The following STXBP2 variants were observed in gnomAD, a reference collection of about 807,000 sequenced individuals.
The protein encoded by STXBP2 is syntaxin binding protein 2, also known as syntaxin-binding protein 2.
In STXBP2, 47 loss-of-function variants were observed where a neutral mutation model predicts 72.2. The ratio of observed to expected loss-of-function variants is 0.65; its 90% CI spans 0.51 to 0.83. The LOEUF (loss-of-function observed/expected upper bound fraction) is 0.83, where lower values mean the gene tolerates loss of function less well. Ranked by LOEUF, STXBP2 falls within the 40% of genes least tolerant of loss-of-function variation. STXBP2 has a pLI of 0.00. For synonymous variants in STXBP2, 367 were observed against 338.7 expected, an observed-to-expected ratio of 1.08 and a Z score of -0.92; for missense variants, 702 against 807.6, an observed-to-expected ratio of 0.87 and a Z score of 1.58.
chr19:7,639,909 CGTGTGCATGTGTCCATGTGTATGT>C (rs765305420), intron 4 of STXBP2, 102 bp downstream of exon 4: 3 of 1,284,434 alleles, frequency 2.3e-6, no homozygotes, highest in Admixed American at 4.0e-5. Context: ...CATGTGTATA[CGTGTGCATGTGTCCATGTGTATGT>C]GTGTGCATGT....
rs574375421 is a variant in STXBP2 at position 7,642,867 on chromosome 19, C to A, written c.960+44C>A. On this transcript the variant is annotated intron_variant, in intron 11 of 18. Transcript: ENST00000221283. This position sits in a 1 kb window ranked among gnomAD's most constrained non-coding sequence, Gnocchi z 6.0. ...CACCAAAGGCGCTGGTGGAAGGAAG[C>A]CCCCCTCCCCATGGGCGCAGGGCCA... 3.5e-5 allele frequency: 57 copies of A among 1,613,432 alleles called. No individual in the cohort carries two copies. The highest frequency in any genetic ancestry group is 1.6e-4 in the South Asian group (15 of 91,066).
chr19:7,635,461 A>G (rs2031490298), upstream of STXBP2, among the ~76,000 whole-genome samples: 2 of 152,336 alleles, frequency 1.3e-5, no homozygotes, highest in South Asian at 4.1e-4. Context: ...TTGGGAGGCC[A>G]AGGCAGGAGG....
chr19:7,632,674 C>T, upstream of STXBP2: 1 of 1,548,992 alleles, frequency 6.5e-7, no homozygotes, highest in Middle Eastern at 1.7e-4. The surrounding 1 kb of genome is among the most constrained non-coding windows in gnomAD (Gnocchi z 5.2). Flanking sequence ...CACTCCCACC[C>T]CGTTCACGCC....
chr19:7,639,037 C>T lies in STXBP2; in HGVS notation c.106C>T (p.Pro36Ser), dbSNP rs773397741. 1.2e-6 allele frequency: 2 copies of T among 1,614,104 alleles called. No individual in the cohort carries two copies. Among genetic ancestry groups the T allele is most frequent in the Non-Finnish European group, 1.7e-6 (2 of 1,180,034 alleles). ...TGGACAGGTGCTTATCATGGATCACCCAAGCATGCGCATCTTGTCTTCCTG... is the reference window on the plus strand; with the variant it reads ...TGGACAGGTGCTTATCATGGATCACTCAAGCATGCGCATCTTGTCTTCCTG... ...GEWKVLIMDH[P>S]SMRILSSCCK... Residue 36 changes from proline to serine, a missense_variant, in exon 3 of 19, where the codon CCA becomes TCA. By Grantham distance (74) the Pro-to-Ser change is moderately conservative. Transcript: ENST00000221283.
upstream of STXBP2, chr19:7,632,369 C>G (rs376914944): frequency 1.9e-6 from 3 of 1,612,900 alleles, no homozygotes; most frequent in Non-Finnish European, 2.5e-6. This position sits in a 1 kb window ranked among gnomAD's most constrained non-coding sequence, Gnocchi z 5.2. Context: ...GGTTTCTCCT[C>G]GACATCGCCA....
the STXBP2 span, chr19:7,629,941 T>C: frequency 7.1e-7 from 1 of 1,409,940 alleles, no homozygotes. Flanking sequence ...ATGGGGGGAC[T>C]TCAAAGGAAG....
chr19:7,640,696 A>C, intron 4 of STXBP2, 35 bp from the exon 5 acceptor site: 1 of 1,614,064 alleles, frequency 6.2e-7, no homozygotes, highest in South Asian at 1.1e-5. Flanking sequence ...CTAGGTGTGC[A>C]GGCTCAGGCC....
chr19:7,644,696 C>T lies in STXBP2; in HGVS notation c.1190C>T (p.Ala397Val), dbSNP rs1309026455. Residue 397 changes from alanine (A) to valine (V), a missense_variant, in exon 14 of 19, where the codon GCG becomes GTG. Ala to Val is a moderately conservative substitution (Grantham distance 64). Coordinates refer to ENST00000221283, the MANE Select transcript of STXBP2 (RefSeq NM_006949.4). ...KLIVPVLLDA[A>V]VPAYDKIRVL... ...ATCGTTCCGGTGCTGCTGGACGCGG[C>T]GGTGCCCGCCTACGACAAGATCCGG... is the stretch of plus-strand genomic sequence containing the variant. 14 of 1,613,626 alleles carry T rather than the reference C, an allele frequency of 8.7e-6. No homozygotes were observed. Among genetic ancestry groups the T allele is most frequent in the African/African-American group, 4.0e-5 (3 of 74,858 alleles).
At chr19:7,647,124 C>A in intron 16 of STXBP2, 38 bp from the exon 17 acceptor site, 1 of 1,607,480 alleles carries the variant, frequency 6.2e-7, no homozygotes. Flanking sequence ...GGACCCCATG[C>A]CTGGGGTTCC....
rs142105943 is a variant in STXBP2, at chr19:7,646,267, C to G, written c.1375C>G (p.Arg459Gly). 1 of 1,608,318 alleles carries G rather than the reference C, an allele frequency of 6.2e-7. No homozygotes were observed. The highest frequency in any genetic ancestry group is 8.5e-7 in the Non-Finnish European group (1 of 1,177,998). ...CCTGTAGGGCTCGGGGACCTCCAGC[C>G]GGCTGGAGCCGAGAGAACGCATGGA... ...TNPGGSGTSSRLEPRERMEPT... is the reference protein window; with the variant it reads ...TNPGGSGTSSGLEPRERMEPT... The change falls in exon 16 of 19, where the codon CGG (arginine) becomes GGG (glycine). Residue 459 changes from arginine (R) to glycine (G), a missense_variant. Arg to Gly is a moderately radical substitution (Grantham distance 125). Transcript: ENST00000221283.
chr19:7,641,032 G>A (rs1298369232), intron 6 of STXBP2, 29 bp downstream of exon 6: 1 of 1,611,458 alleles, frequency 6.2e-7, no homozygotes, highest in South Asian at 1.1e-5. Context: ...CTGGGCAGGG[G>A]GTGGGGGTTT....
At chr19:7,641,413 C>T (rs755233123) in intron 6 of STXBP2, among the ~76,000 whole-genome samples, 17 of 152,150 alleles carry the variant, frequency 1.1e-4, no homozygotes, top group Non-Finnish European at 2.4e-4. Flanking sequence ...GAGGTACCCA[C>T]AGAGTCCAAG....
At chr19:7,641,551 G>A (rs2031876562) in intron 6 of STXBP2, among the ~76,000 whole-genome samples, 154 bp from the exon 7 acceptor site, 2 of 152,142 alleles carry the variant, frequency 1.3e-5, no homozygotes, top group Admixed American at 1.3e-4. Context: ...TGCAGGCATG[G>A]GTTTAGGGTT....
At chr19:7,639,928 GTA>G (rs1491365709) in intron 4 of STXBP2, 121 bp downstream of exon 4, 18 of 1,062,408 alleles carry the variant, frequency 1.7e-5, no homozygotes, top group East Asian at 5.2e-5. Context: ...GTGTCCATGT[GTA>G]TGTGTGTGCA....
chr19:7,647,840 T>G lies in STXBP2; in HGVS notation c.*30T>G, dbSNP rs200222440. On this transcript the variant is annotated 3_prime_UTR_variant, in exon 19 of 19. Transcript: ENST00000221283. ...TGGCCCCGCCCCCTACCCCTCCCTT[T>G]CCAGAGAAATAAACTCTTCCCGTCG... The G allele has an allele frequency of 7.6e-6, 12 of 1,577,890 alleles. No homozygotes were observed. In the East Asian group the frequency reaches 2.7e-4, roughly 36 times the overall value.
chr19:7,639,156 GC>G, intron 3 of STXBP2, 56 bp downstream of exon 3: 1 of 1,574,422 alleles, frequency 6.4e-7, no homozygotes, highest in Non-Finnish European at 8.7e-7. Flanking sequence ...CCCTGACTGT[GC>G]CCCTCTCCCA....
At chr19:7,637,927 T>C (rs1393625575) in intron 1 of STXBP2, among the ~76,000 whole-genome samples, 1 of 152,204 alleles carries the variant, frequency 6.6e-6, no homozygotes. Context: ...TAGAAAAAAG[T>C]GATTCCATTT....
At position 7,641,802 on chromosome 19, in the gene STXBP2, T is replaced by C. The variant is rs2146216061; in HGVS notation, c.527T>C (p.Ile176Thr). The change falls in exon 7 of 19, where the codon ATT becomes ACT. Residue 176 changes from isoleucine (I) to threonine (T), a missense_variant. Physicochemically the swap from Ile to Thr is moderately conservative, Grantham distance 89. Coordinates refer to ENST00000221283, the MANE Select transcript of STXBP2 (RefSeq NM_006949.4). ...CAGCTCGAGGTGCTGGCCCAGCAGA[T>C]TGCCACGCTGTGCGCCACCCTGCAG... ...TRQLEVLAQQ[I>T]ATLCATLQEY... 6.4e-7 allele frequency: 1 copy of C among 1,551,598 alleles called. No individual in the cohort carries two copies. The highest frequency in any genetic ancestry group is 1.2e-5 in the South Asian group (1 of 84,144).
rs764937841 is a variant in STXBP2, at chr19:7,639,751, C to G, written c.190C>G (p.Arg64Gly). ...GITIVEDINK[R>G]REPIPSLEAI... ...ACTAGTTGTTGAAGACATCAACAAA[C>G]GGCGGGAACCCATTCCCAGTCTGGA... The change falls in exon 4 of 19, where the codon CGG becomes GGG. Residue 64 changes from arginine to glycine, a missense_variant. Coordinates refer to ENST00000221283, the MANE Select transcript of STXBP2 (RefSeq NM_006949.4). 1.2e-6 allele frequency: 2 copies of G among 1,613,462 alleles called. No individual in the cohort carries two copies. Among genetic ancestry groups the G allele is most frequent in the East Asian group, 2.2e-5 (1 of 44,876 alleles).
Sources: gnomAD v4.1 joint callset for allele counts (sites outside exome capture counted in the v4.1 genomes callset) on GRCh38, gnomAD v4.1.1 for gene constraint, Gnocchi (gnomAD v3.1) non-coding constraint, MANE v1.5 for transcripts, NCBI Gene and HGNC (gene_info 2026-07-23, HGNC 2026-07-21) for gene names.